SEMA3A: variants seen among roughly 807,000 people sequenced by gnomAD.
SEMA3A encodes the protein semaphorin 3A.
In SEMA3A, 29 loss-of-function variants were observed where a neutral mutation model predicts 97.9. The ratio of observed to expected loss-of-function variants is 0.30; its 90% confidence interval spans 0.22 to 0.40. The LOEUF (loss-of-function observed/expected upper bound fraction) is 0.40, where lower values mean the gene tolerates loss of function less well. Among genes scored for constraint, SEMA3A ranks in the 10% least tolerant of loss-of-function variants. The pLI is 1.00. For synonymous variants in SEMA3A, 321 were observed against 323.7 expected, an observed-to-expected ratio of 0.99 and a Z score of 0.09; for missense variants, 763 against 951.3, an observed-to-expected ratio of 0.80 and a Z score of 2.60.
In SEMA3A at chr7:84,318,210, C is replaced by CAACT. The variant is rs1395740841; in HGVS notation, c.-168-10922_-168-10919dup. ...ATGTTAATACCAAATTGATAATCAC[C>CAACT]AACTGTTAATAGTGATGATTTGTGA... is the stretch of plus-strand genomic sequence containing the variant. On this transcript the variant is annotated intron_variant, in intron 2 of 3. Coordinates refer to the SEMA3A transcript ENST00000424555. Among the ~76,000 whole-genome samples the CAACT allele has an allele frequency of 3.3e-5, 5 of 151,680 alleles. 1 individual carries two copies. Among genetic ancestry groups the CAACT allele is most frequent in the African/African-American group, 1.2e-4 (5 of 41,362 alleles).
At chr7:84,418,958 C>A (rs200206182) in intron 1 of SEMA3A, among the ~76,000 whole-genome samples, 1 of 119,974 alleles carries the variant, frequency 8.3e-6, no homozygotes, top group African/African-American at 2.8e-5. Context: ...TATATATATA[C>A]ACACACACAT....
intron 4 of SEMA3A, among the ~76,000 whole-genome samples, chr7:84,108,427 G>T (rs1048725522): frequency 1.1e-4 from 17 of 152,182 alleles, no homozygotes; most frequent in African/African-American, 3.9e-4. Context: ...AGTCAACCTT[G>T]CATTTAAAAT....
intron 3 of SEMA3A, among the ~76,000 whole-genome samples, chr7:84,236,890 A>G (rs1183998296): frequency 1.3e-5 from 2 of 152,090 alleles, no homozygotes; most frequent in African/African-American, 2.4e-5. Context: ...GAATACCCTC[A>G]AAGCAGAGGT....
chr7:84,439,635 A>G (rs1805221343), intron 1 of SEMA3A, among the ~76,000 whole-genome samples: 1 of 152,196 alleles, frequency 6.6e-6, no homozygotes, highest in African/African-American at 2.4e-5. Flanking sequence ...CCACCCACTA[A>G]GAAGATTTAG....
chr7:84,465,275 G>C (rs1805960342), intron 1 of SEMA3A, among the ~76,000 whole-genome samples: 1 of 152,056 alleles, frequency 6.6e-6, no homozygotes, highest in Non-Finnish European at 1.5e-5. Context: ...GATAAGGATT[G>C]ACTATATTGG....
At chr7:84,250,746 T>A (rs1337370574) in intron 3 of SEMA3A, among the ~76,000 whole-genome samples, 1 of 152,232 alleles carries the variant, frequency 6.6e-6, no homozygotes, top group Non-Finnish European at 1.5e-5. Context: ...AATTGACACA[T>A]CACTATTTCT....
chr7:84,322,023 T>A (rs1326889432), intron 2 of SEMA3A, among the ~76,000 whole-genome samples: 1 of 150,654 alleles, frequency 6.6e-6, no homozygotes, highest in East Asian at 2.0e-4. Context: ...ATGGTGGAAA[T>A]CACCTCATCA....
At chr7:84,310,225 C>G (rs940841061) in intron 2 of SEMA3A, among the ~76,000 whole-genome samples, 1 of 151,960 alleles carries the variant, frequency 6.6e-6, no homozygotes, top group African/African-American at 2.4e-5. Context: ...TTAGAATATA[C>G]ATGTCTGACA....
chr7:84,031,550 C>G lies in SEMA3A; in HGVS notation c.667+14774G>C, dbSNP rs192846114. Among the ~76,000 whole-genome samples the G allele has an allele frequency of 2.7e-3, 414 of 151,976 alleles. 2 individuals carry two copies. Among genetic ancestry groups the G allele is most frequent in the African/African-American group, 9.2e-3 (381 of 41,472 alleles). ...TTATTGTTTTTTGTATTAAAGTGTC[C>G]TGGCTGGGTGCGGTGGCTCACGCCT... On this transcript the variant is annotated intron_variant, in intron 6 of 16. Transcript: ENST00000265362.
intron 1 of SEMA3A, among the ~76,000 whole-genome samples, chr7:84,156,359 T>C (rs747981106): frequency 2.0e-5 from 3 of 152,164 alleles, no homozygotes; most frequent in Non-Finnish European, 4.4e-5. Context: ...TTTCAAATAT[T>C]ATCCATGACA....
chr7:84,302,235 GGAAA>G (rs1801035800), intron 3 of SEMA3A, among the ~76,000 whole-genome samples: 1 of 150,160 alleles, frequency 6.7e-6, no homozygotes, highest in African/African-American at 2.4e-5. Context: ...TATCAAAAAA[GGAAA>G]GAGTTAGGAA....
intron 1 of SEMA3A, among the ~76,000 whole-genome samples, chr7:84,417,143 A>G (rs933604945): frequency 6.6e-6 from 1 of 152,120 alleles, no homozygotes; most frequent in African/African-American, 2.4e-5. Flanking sequence ...TGCTCCAACC[A>G]TGAACAAAGG....
At chr7:84,126,640 T>C (rs1795806465) in intron 3 of SEMA3A, among the ~76,000 whole-genome samples, 1 of 152,246 alleles carries the variant, frequency 6.6e-6, no homozygotes, top group South Asian at 2.1e-4. Flanking sequence ...CCTCAGGTAT[T>C]ATCTCACTGA....
chr7:84,075,491 C>T (rs1224491002), intron 4 of SEMA3A, among the ~76,000 whole-genome samples: 1 of 137,480 alleles, frequency 7.3e-6, no homozygotes, highest in East Asian at 2.1e-4. Flanking sequence ...CAGAGTCTAG[C>T]TCTGTCACCA....
At chr7:84,051,088 T>C (rs1277162099) in intron 5 of SEMA3A, among the ~76,000 whole-genome samples, 1 of 151,208 alleles carries the variant, frequency 6.6e-6, no homozygotes, top group Non-Finnish European at 1.5e-5. Context: ...TTGGTACCAG[T>C]ACCATGCTGT....
chr7:84,364,779 A>C (rs958828719), intron 2 of SEMA3A, among the ~76,000 whole-genome samples: 1 of 151,598 alleles, frequency 6.6e-6, no homozygotes, highest in African/African-American at 2.4e-5. Flanking sequence ...ATTCAGAATA[A>C]ACTGTGCAGG....
chr7:84,364,254 CAT>C (rs1159507867), intron 2 of SEMA3A, among the ~76,000 whole-genome samples: 1 of 151,664 alleles, frequency 6.6e-6, no homozygotes, highest in African/African-American at 2.4e-5. Context: ...CAATAAGTTT[CAT>C]ATACTGACAT....
chr7:84,049,471 A>G (rs1256729787), intron 5 of SEMA3A, among the ~76,000 whole-genome samples: 1 of 152,082 alleles, frequency 6.6e-6, no homozygotes, highest in Non-Finnish European at 1.5e-5. Flanking sequence ...CTTATTTCTC[A>G]TTAAGTAGAA....
At position 84,055,337 on chromosome 7, in the gene SEMA3A, T is replaced by C. The variant is rs1000774083; in HGVS notation, c.547+5128A>G. Among the ~76,000 whole-genome samples the C allele has an allele frequency of 1.3e-4, 20 of 152,298 alleles. No homozygotes were observed. The South Asian group carries it at 1.5e-3, about 11-fold the overall frequency. ...GCCTTGCAGTTTGATCTCAGACTGCTGTGCTAGCAATCAGCGAGACTCCGT... is the reference window on the plus strand; with the variant it reads ...GCCTTGCAGTTTGATCTCAGACTGCCGTGCTAGCAATCAGCGAGACTCCGT... On this transcript the variant is annotated intron_variant, in intron 5 of 16. Coordinates refer to ENST00000265362, the MANE Select transcript of SEMA3A (RefSeq NM_006080.3).
Sources: allele counts gnomAD v4.1 joint callset (sites outside exome capture counted in the v4.1 genomes callset), GRCh38; gene constraint gnomAD v4.1.1; transcripts MANE v1.5; gene names NCBI Gene and HGNC (gene_info 2026-07-23, HGNC 2026-07-21).